Variants in MCHR2 observed in about 807,000 individuals in gnomAD.
The protein encoded by MCHR2 is melanin concentrating hormone receptor 2, also known as melanin-concentrating hormone receptor 2.
In MCHR2, 15 loss-of-function variants were observed where a neutral mutation model predicts 24.8. The observed-to-expected ratio is 0.60, with a 90% CI of 0.40 to 0.93. The LOEUF (loss-of-function observed/expected upper bound fraction) is 0.93, where lower values mean the gene tolerates loss of function less well. MCHR2 is among the 40% of genes least tolerant of loss of function. The pLI is 0.00. For synonymous variants in MCHR2, 151 were observed against 147.6 expected (o/e 1.02, Z -0.17); for missense variants, 386 against 408.7 (o/e 0.94, Z 0.48).
chr6:99,930,493 G>T (rs1047265539), intron 5 of MCHR2, among the ~76,000 whole-genome samples: 1 of 152,038 alleles, frequency 6.6e-6, no homozygotes, highest in Non-Finnish European at 1.5e-5. Flanking sequence ...ACGTAGATTT[G>T]GTCTTTTCAC....
chr6:99,935,395 C>T (rs1774636088), intron 4 of MCHR2, among the ~76,000 whole-genome samples: 1 of 151,960 alleles, frequency 6.6e-6, no homozygotes, highest in Non-Finnish European at 1.5e-5. Context: ...CCTCTGGTAA[C>T]CACCAATCTA....
At chr6:99,949,284 A>G (rs964255045) in intron 2 of MCHR2, among the ~76,000 whole-genome samples, 9 of 152,294 alleles carry the variant, frequency 5.9e-5, no homozygotes, top group African/African-American at 2.2e-4. Flanking sequence ...TGATCACATC[A>G]CAATTTGATG....
intron 5 of MCHR2, among the ~76,000 whole-genome samples, chr6:99,922,321 A>T (rs1223632323): frequency 6.6e-6 from 1 of 151,938 alleles, no homozygotes; most frequent in African/African-American, 2.4e-5. Flanking sequence ...GTTAGCCAGG[A>T]TGGTCTTGAT....
At chr6:99,936,224 T>A (rs1473921029) in intron 4 of MCHR2, among the ~76,000 whole-genome samples, 1 of 152,062 alleles carries the variant, frequency 6.6e-6, no homozygotes, top group Non-Finnish European at 1.5e-5. Flanking sequence ...TTTATCCACT[T>A]TTGCTTAGGT....
At chr6:99,942,453 TG>T (rs1429520499) in intron 4 of MCHR2, among the ~76,000 whole-genome samples, 1 of 152,210 alleles carries the variant, frequency 6.6e-6, no homozygotes, top group Non-Finnish European at 1.5e-5. Flanking sequence ...CAATAGTCAT[TG>T]GGCCCACCCT....
At chr6:99,991,186 C>G (rs187075069) in intron 1 of MCHR2, among the ~76,000 whole-genome samples, 87 of 152,008 alleles carry the variant, frequency 5.7e-4, no homozygotes, top group African/African-American at 2.0e-3. Flanking sequence ...CCTATGGGGC[C>G]CAGGACCTCC....
Position 99,925,737 on chromosome 6 carries a change from A to T in MCHR2, c.708-4482T>A, listed in dbSNP as rs1022845675. Among the ~76,000 whole-genome samples the T allele has an allele frequency of 4.0e-5, 6 of 151,876 alleles. 1 individual carries two copies. The Middle Eastern group carries it at 0.02, about 517-fold the overall frequency. ...CCAATTTTTAACTTTTTGTTGTTTC[A>T]GTGTATATCTTATTGTATTATCTAT... is the stretch of plus-strand genomic sequence containing the variant. On this transcript the variant is annotated intron_variant, in intron 5 of 5. Transcript: ENST00000281806.
intron 1 of MCHR2, among the ~76,000 whole-genome samples, chr6:99,967,504 C>A (rs1379067509): frequency 6.6e-6 from 1 of 152,082 alleles, no homozygotes; most frequent in African/African-American, 2.4e-5. Context: ...TTAACATAAA[C>A]CCTAAAATAA....
rs1028497942 is a variant in MCHR2 at position 99,919,149 on chromosome 6, T to G, written c.*1791A>C. Among the ~76,000 whole-genome samples, 1 of 152,198 alleles carries G rather than the reference T, an allele frequency of 6.6e-6. No individual in the cohort carries two copies. The highest frequency in any genetic ancestry group is 1.5e-5 in the Non-Finnish European group (1 of 68,034). ...GACACAGCTTCTTATTGACGTTTTATAGGAGCATCCAGCTGCATATGTAGG... is the reference window on the plus strand; with the variant it reads ...GACACAGCTTCTTATTGACGTTTTAGAGGAGCATCCAGCTGCATATGTAGG... On this transcript the variant is annotated 3_prime_UTR_variant, in exon 6 of 6. Coordinates refer to ENST00000281806, the MANE Select transcript of MCHR2 (RefSeq NM_001040179.2).
intron 1 of MCHR2, among the ~76,000 whole-genome samples, chr6:99,968,842 AT>A (rs1248045283): frequency 1.3e-4 from 20 of 152,154 alleles, no homozygotes; most frequent in Non-Finnish European, 2.4e-4. Flanking sequence ...TTCTCCAAAC[AT>A]TTGTAAACTA....
chr6:99,987,262 G>A (rs753522317), intron 1 of MCHR2, among the ~76,000 whole-genome samples: 9 of 151,874 alleles, frequency 5.9e-5, no homozygotes, highest in Non-Finnish European at 1.0e-4. Flanking sequence ...CACTGCACCC[G>A]GCTAATCCTT....
At chr6:99,933,701 C>T (rs924189403) in intron 5 of MCHR2, among the ~76,000 whole-genome samples, 2 of 151,930 alleles carry the variant, frequency 1.3e-5, no homozygotes, top group Non-Finnish European at 2.9e-5. Context: ...AGCAAACTTG[C>T]CTTTTCATAA....
chr6:99,991,939 T>C (rs1775890627), intron 1 of MCHR2, among the ~76,000 whole-genome samples: 1 of 152,240 alleles, frequency 6.6e-6, no homozygotes, highest in Non-Finnish European at 1.5e-5. Context: ...CTTCTTCTCA[T>C]TTCCAGCTTT....
intron 1 of MCHR2, among the ~76,000 whole-genome samples, chr6:99,985,058 A>G (rs1401574728): frequency 3.9e-5 from 6 of 152,118 alleles, no homozygotes; most frequent in Non-Finnish European, 7.4e-5. Context: ...CAAATCAAGA[A>G]CTCAATCCCA....
chr6:99,959,281 C>G (rs917285603), intron 1 of MCHR2, among the ~76,000 whole-genome samples: 1 of 151,990 alleles, frequency 6.6e-6, no homozygotes, highest in Non-Finnish European at 1.5e-5. Context: ...ATTGGTAAAT[C>G]TCTCTAAGTA....
At position 99,986,873 on chromosome 6, in the gene MCHR2, A is replaced by G. The variant is rs1222353459; in HGVS notation, c.-28+7063T>C. On this transcript the variant is annotated intron_variant, in intron 1 of 5. Transcript: ENST00000281806. ...TAATATATATACATGTATAATATAC[A>G]TGTATATATATCCATAAGTATAATA... Among the ~76,000 whole-genome samples, 3 of 150,436 alleles carry G rather than the reference A, an allele frequency of 2.0e-5. No homozygotes were observed. The East Asian group carries it at 5.8e-4, about 29-fold the overall frequency.
chr6:99,958,877 C>G (rs1289291226), intron 1 of MCHR2, among the ~76,000 whole-genome samples: 1 of 152,130 alleles, frequency 6.6e-6, no homozygotes, highest in Non-Finnish European at 1.5e-5. Context: ...TCCTTGGGGA[C>G]AGGTTTTTGT....
At chr6:99,942,053 A>T (rs891746170) in intron 4 of MCHR2, among the ~76,000 whole-genome samples, 1 of 152,312 alleles carries the variant, frequency 6.6e-6, no homozygotes, top group Admixed American at 6.5e-5. Context: ...TTTAATCATG[A>T]ACTCCAATTC....
intron 5 of MCHR2, among the ~76,000 whole-genome samples, chr6:99,922,333 T>C (rs1216799337): frequency 6.6e-6 from 1 of 152,114 alleles, no homozygotes; most frequent in South Asian, 2.1e-4. Flanking sequence ...GGTCTTGATC[T>C]CCTAACCTCG....
Sources: gnomAD v4.1 joint callset for allele counts (sites outside exome capture counted in the v4.1 genomes callset) on GRCh38, gnomAD v4.1.1 for gene constraint, MANE v1.5 for transcripts, NCBI Gene and HGNC (gene_info 2026-07-23, HGNC 2026-07-21) for gene names.